GPR55: variants seen among roughly 807,000 people sequenced by gnomAD.
GPR55 encodes the protein G protein-coupled receptor 55.
In GPR55, 6 loss-of-function variants were observed where a neutral mutation model predicts 7.9. That is an observed-to-expected ratio of 0.76 (90% CI 0.41 to 1.49). The LOEUF is 1.49. GPR55 is among the 40% of genes most tolerant of loss of function. The pLI is 0.01. For missense variants in GPR55, 376 were observed against 406.0 expected (o/e 0.93, Z 0.63); for synonymous variants, 183 against 166.8 (o/e 1.10, Z -0.75).
At position 230,912,277 on chromosome 2, in the gene GPR55, G is replaced by T. The variant is rs1690610526; in HGVS notation, c.-134-1181C>A. 3.9e-5 allele frequency among the ~76,000 whole-genome samples: 6 copies of T among 152,116 alleles called. No homozygotes were observed. In the South Asian group the frequency reaches 1.0e-3, roughly 26 times the overall value. ...CAAGTGCGGCCAGGTCCTGCCGTGA[G>T]ACCCACCTTCCTGTGCCTCTCCCAC... On this transcript the variant is annotated intron_variant, in intron 1 of 1. Coordinates refer to ENST00000650999, the MANE Select transcript of GPR55 (RefSeq NM_005683.4).
At chr2:230,935,585 C>G (rs948822071) in intron 1 of GPR55, among the ~76,000 whole-genome samples, 3 of 152,164 alleles carry the variant, frequency 2.0e-5, no homozygotes, top group Non-Finnish European at 2.9e-5. Flanking sequence ...ACACAACACA[C>G]CCAGAGATTC....
upstream of GPR55, among the ~76,000 whole-genome samples, chr2:230,925,718 A>C (rs938107915): frequency 5.3e-5 from 8 of 152,152 alleles, no homozygotes; most frequent in Non-Finnish European, 1.0e-4. Context: ...TAGTACTTGC[A>C]GGTTAGGACT....
chr2:230,959,931 G>T (rs1691544042), intron 1 of GPR55, among the ~76,000 whole-genome samples: 1 of 152,184 alleles, frequency 6.6e-6, no homozygotes, highest in African/African-American at 2.4e-5. Context: ...AGAAATAGGG[G>T]TTTGGACATA....
Position 230,924,721 on chromosome 2 carries a change from G to C in GPR55, c.-135+447C>G, listed in dbSNP as rs542740120. 1 of 152,096 alleles carries C rather than the reference G, an allele frequency of 6.6e-6. No homozygotes were observed. The highest frequency in any genetic ancestry group is 2.4e-5 in the African/African-American group (1 of 41,408). 9.4% of individuals were successfully genotyped at this position (152,096 alleles called of 1,614,324 possible). On this transcript the variant is annotated intron_variant, in intron 1 of 1. Coordinates refer to ENST00000650999, the MANE Select transcript of GPR55 (RefSeq NM_005683.4). This position sits in a 1 kb window ranked among gnomAD's most constrained non-coding sequence, Gnocchi z 4.5. ...AGTAAGCACTTGCTCAGGGCTGCAG[G>C]ATGATCCCTGAGAGTGTGTCATCTC...
At chr2:230,957,684 G>A (rs1451526429) in intron 1 of GPR55, 2 of 546,608 alleles carry the variant, frequency 3.7e-6, no homozygotes, top group Non-Finnish European at 7.4e-6. Context: ...CCCTGTGCCC[G>A]GGATTCAATA....
chr2:230,910,865 A>C lies in GPR55; in HGVS notation c.98T>G (p.Leu33Arg). The C allele has an allele frequency of 1.2e-6, 2 of 1,614,196 alleles. No individual in the cohort carries two copies. The highest frequency in any genetic ancestry group is 1.7e-6 in the Non-Finnish European group (2 of 1,180,014). The change falls in exon 2 of 2, where the codon CTG becomes CGG. Residue 33 changes from leucine to arginine, a missense_variant. By Grantham distance (102) the Leu-to-Arg change is moderately radical (BLOSUM62 -2). Transcript: ENST00000650999. The surrounding 1 kb of genome is among the most constrained non-coding windows in gnomAD (Gnocchi z 5.4). Reference protein sequence around the residue: ...QFAVHIPTFVLGLLLNLLAIH... With the variant: ...QFAVHIPTFVRGLLLNLLAIH... ...GGCCAGCAGGTTGAGGAGCAGGCCC[A>C]GGACGAAGGTGGGGATGTGGACTGC...
upstream of GPR55, among the ~76,000 whole-genome samples, chr2:230,928,110 T>G (rs1574626992): frequency 1.3e-5 from 2 of 150,454 alleles, no homozygotes; most frequent in Non-Finnish European, 3.0e-5. Flanking sequence ...TGCACCAGGG[T>G]AAGGGGGGAA....
chr2:230,939,385 C>T (rs1370505772), intron 1 of GPR55, among the ~76,000 whole-genome samples: 3 of 152,182 alleles, frequency 2.0e-5, no homozygotes, highest in African/African-American at 7.2e-5. Context: ...CAGTTTGGAG[C>T]CAGGCAATGA....
intron 1 of GPR55, among the ~76,000 whole-genome samples, chr2:230,956,046 A>G (rs1691478131): frequency 6.6e-6 from 1 of 152,086 alleles, no homozygotes; most frequent in Non-Finnish European, 1.5e-5. Context: ...TCTTTAAACT[A>G]GAGGATTCCT....
intron 1 of GPR55, chr2:230,958,000 A>G (rs1691517913): frequency 5.3e-6 from 2 of 379,956 alleles, no homozygotes; most frequent in Non-Finnish European, 1.1e-5. Context: ...CAGTGTGAAC[A>G]AAGCTAAGCT....
At chr2:230,928,072 C>A (rs879595179), upstream of GPR55, among the ~76,000 whole-genome samples, 1 of 152,024 alleles carries the variant, frequency 6.6e-6, no homozygotes, top group Non-Finnish European at 1.5e-5. Context: ...AGGAGGGGCA[C>A]GGGGTTGGTG....
At chr2:230,930,368 TGA>T (rs910274114) in intron 1 of GPR55, among the ~76,000 whole-genome samples, 11 of 152,308 alleles carry the variant, frequency 7.2e-5, no homozygotes, top group Admixed American at 3.9e-4. Context: ...TCTTACGTGT[TGA>T]GTCTTTTCTC....
Position 230,922,709 on chromosome 2 carries a change from G to A in GPR55, c.-135+2459C>T, listed in dbSNP as rs201037231. 7.4e-4 allele frequency among the ~76,000 whole-genome samples: 112 copies of A among 152,168 alleles called. No homozygotes were observed. The East Asian group carries it at 0.018, about 25-fold the overall frequency. On this transcript the variant is annotated intron_variant, in intron 1 of 1. Transcript: ENST00000650999. ...TCCTGCCTCAGGCTCCTGAGTAGAT[G>A]GGATTACAGGCATGTGCCACCACGC...
chr2:230,917,839 A>G (rs1690750110), intron 1 of GPR55, among the ~76,000 whole-genome samples: 1 of 152,200 alleles, frequency 6.6e-6, no homozygotes, highest in African/African-American at 2.4e-5. Flanking sequence ...CAAAATAATA[A>G]CAAAAATAAT....
At chr2:230,961,109 G>A (rs1296345125), upstream of GPR55, 1 of 152,072 alleles carries the variant, frequency 6.6e-6, no homozygotes, top group Non-Finnish European at 1.5e-5. Flanking sequence ...GCCTTACCAG[G>A]GCCTTATCTG....
At chr2:230,930,353 A>G (rs1236319428) in intron 1 of GPR55, among the ~76,000 whole-genome samples, 2 of 151,670 alleles carry the variant, frequency 1.3e-5, no homozygotes, top group East Asian at 1.9e-4. Context: ...TTGAATTCCT[A>G]TTCTTCTTAC....
rs55663935 is a variant in GPR55, at chr2:230,943,189, G to C, written c.-135+17586C>G. On this transcript the variant is annotated intron_variant, in intron 1 of 1. Transcript: ENST00000392039. ...AGGTGGAAACTGAGGCCCCAGCAGAGGCCATCCCGGGCAGTGCTTGGACTA... is the reference window on the plus strand; with the variant it reads ...AGGTGGAAACTGAGGCCCCAGCAGACGCCATCCCGGGCAGTGCTTGGACTA... Among the ~76,000 whole-genome samples, 726 of 152,264 alleles carry C rather than the reference G, an allele frequency of 4.8e-3. 8 individuals carry two copies. The highest frequency in any genetic ancestry group is 0.016 in the African/African-American group (684 of 41,530).
chr2:230,944,235 G>A lies in GPR55; in HGVS notation c.-135+16540C>T, dbSNP rs1463444124. 1.3e-5 allele frequency among the ~76,000 whole-genome samples: 2 copies of A among 152,220 alleles called. No individual in the cohort carries two copies. The highest frequency in any genetic ancestry group is 6.5e-5 in the Admixed American group (1 of 15,290). On this transcript the variant is annotated intron_variant, in intron 1 of 1. Transcript: ENST00000392039. This position sits in a 1 kb window ranked among gnomAD's most constrained non-coding sequence, Gnocchi z 4.2. Reference sequence around the variant, plus strand: ...TTGGACAGGGCAAAGCTGTGGTGTGGAAAGGGGCAAATCCACATCCCTCCA... The same window carrying A: ...TTGGACAGGGCAAAGCTGTGGTGTGAAAAGGGGCAAATCCACATCCCTCCA...
intron 1 of GPR55, 35 bp from the exon 2 acceptor site, chr2:230,911,131 T>A: frequency 3.1e-6 from 2 of 654,866 alleles, no homozygotes; most frequent in Non-Finnish European, 5.3e-6. Context: ...CCTTTAATCC[T>A]GCTGCCCAGA....
Sources: allele counts gnomAD v4.1 joint callset (sites outside exome capture counted in the v4.1 genomes callset), GRCh38; gene constraint gnomAD v4.1.1; non-coding constraint Gnocchi (gnomAD v3.1); transcripts MANE v1.5; gene names NCBI Gene and HGNC (gene_info 2026-07-23, HGNC 2026-07-21).